Variants in FBN3 observed in about 807,000 individuals in gnomAD.
FBN3 encodes the protein fibrillin-3.
In FBN3, 234 loss-of-function variants were observed where a neutral mutation model predicts 330.1. That is an observed-to-expected ratio of 0.71 (90% CI 0.64 to 0.79). The LOEUF is 0.79. Among genes scored for constraint, FBN3 ranks in the 30% least tolerant of loss-of-function variants. The pLI, the probability that FBN3 is intolerant of heterozygous loss-of-function variation, is 0.00. For synonymous variants in FBN3, 1,458 were observed against 1,517.3 expected (o/e 0.96, Z 0.91); for missense variants, 3,606 against 3,886.9 (o/e 0.93, Z 1.92).
At chr19:8,127,717 C>G (rs972605095) in intron 18 of FBN3, among the ~76,000 whole-genome samples, 1 of 152,230 alleles carries the variant, frequency 6.6e-6, no homozygotes, top group Non-Finnish European at 1.5e-5. Context: ...GGCGCTGTGG[C>G]TTACGCCTGT....
chr19:8,081,624 A>C, intron 57 of FBN3, 144 bp from the exon 58 acceptor site: 1 of 968,664 alleles, frequency 1.0e-6, no homozygotes, highest in East Asian at 2.6e-5. Flanking sequence ...GCAAAAAGCC[A>C]GGTGGGAAAT....
Position 8,102,715 on chromosome 19 carries a change from G to A in FBN3, c.5089+9C>T. 1.2e-6 allele frequency: 2 copies of A among 1,608,170 alleles called. No homozygotes were observed. Among genetic ancestry groups the A allele is most frequent in the Middle Eastern group, 1.9e-4 (1 of 5,320 alleles). ...CAGGCTGGGAAGAAGGTTGGGGAGGGTTACTCACGACTGATGGGAGTGGGG... is the reference window on the plus strand; with the variant it reads ...CAGGCTGGGAAGAAGGTTGGGGAGGATTACTCACGACTGATGGGAGTGGGG... On this transcript the variant is annotated intron_variant, in intron 40 of 63. Coordinates refer to ENST00000600128, the MANE Select transcript of FBN3 (RefSeq NM_032447.5).
Position 8,128,436 on chromosome 19 carries a change from C to T in FBN3, c.2296+592G>A, listed in dbSNP as rs768553998. The stretch of plus-strand genomic sequence containing the variant: ...AAAATTATCTGGGCTTGGTGACGGA[C>T]GCCTGTAATCCCAGCTACTTGGGAG... On this transcript the variant is annotated intron_variant, in intron 18 of 63. Transcript: ENST00000600128. Among the ~76,000 whole-genome samples, 8 of 152,126 alleles carry T rather than the reference C, an allele frequency of 5.3e-5. No homozygotes were observed. The South Asian group carries it at 8.3e-4, about 16-fold the overall frequency.
intron 28 of FBN3, 63 bp downstream of exon 28, chr19:8,117,106 C>T: frequency 3.1e-6 from 5 of 1,599,688 alleles, no homozygotes; most frequent in Non-Finnish European, 4.3e-6. Context: ...CAGTGCAGGA[C>T]CCAGCCAACA....
At position 8,133,063 on chromosome 19, in the gene FBN3, C is replaced by CA; in HGVS notation, c.1634dup (p.Cys546ValfsTer29). On this transcript the variant is annotated frameshift_variant, in exon 14 of 64. Transcript: ENST00000600128. LOFTEE classifies it high-confidence loss of function. Reference sequence around the variant, plus strand: ...AGAAGCTGCCATCCTCGTTGAGACACACGCCGTTGACGCACATGGTGCTGG... The same window carrying CA: ...AGAAGCTGCCATCCTCGTTGAGACACAACGCCGTTGACGCACATGGTGCTGG... 6.3e-7 allele frequency: 1 copy of CA among 1,587,092 alleles called. No individual in the cohort carries two copies. Among genetic ancestry groups the CA allele is most frequent in the South Asian group, 1.1e-5 (1 of 86,994 alleles).
intron 56 of FBN3, among the ~76,000 whole-genome samples, chr19:8,084,797 A>G (rs1045002753): frequency 6.6e-6 from 1 of 151,944 alleles, no homozygotes; most frequent in African/African-American, 2.4e-5. Context: ...CATGTTGACC[A>G]GGGTGGTCTC....
Position 8,123,929 on chromosome 19 carries a change from G to A in FBN3, c.2811C>T (p.Asp937=), listed in dbSNP as rs755574105. The A allele has an allele frequency of 1.2e-6, 2 of 1,613,942 alleles. No homozygotes were observed. Among genetic ancestry groups the A allele is most frequent in the African/African-American group, 1.3e-5 (1 of 74,910 alleles). ...CGGCCCCGATGGAGCAGCAGCAGAC[G>A]TCCATCCGGTACTTGCCAGGCAGGG... The part of the protein sequence containing the change: ...GVTLPGKYRM[D]VCCCSIGAVW... Residue 937 remains aspartate, a synonymous_variant, in exon 23 of 64, where the codon GAC becomes GAT. Transcript: ENST00000600128.
chr19:8,110,567 C>A (rs1228493539), intron 34 of FBN3, among the ~76,000 whole-genome samples: 1 of 152,150 alleles, frequency 6.6e-6, no homozygotes, highest in Non-Finnish European at 1.5e-5. Flanking sequence ...GCCTGCAAAG[C>A]CAAAAATATT....
intron 61 of FBN3, among the ~76,000 whole-genome samples, chr19:8,073,716 G>C (rs143770169): frequency 3.0e-4 from 45 of 152,326 alleles, no homozygotes; most frequent in Admixed American, 7.2e-4. Flanking sequence ...GTCTCACTCT[G>C]TTGCCCAGGC....
intron 59 of FBN3, 62 bp downstream of exon 59, chr19:8,080,941 G>A: frequency 1.6e-6 from 2 of 1,229,948 alleles, no homozygotes; most frequent in Admixed American, 1.8e-5. Context: ...TTTTTTTGGT[G>A]AGCAAAATAA....
rs2082712719 is a variant in FBN3, at chr19:8,116,691, T to C, written c.3695A>G (p.Asp1232Gly). The C allele has an allele frequency of 1.2e-6, 2 of 1,613,968 alleles. No homozygotes were observed. Among genetic ancestry groups the C allele is most frequent in the Non-Finnish European group, 1.7e-6 (2 of 1,179,886 alleles). ...LCYDGFMATPDMRTCVDVDEC... is the reference protein window; with the variant it reads ...LCYDGFMATPGMRTCVDVDEC... ...CTCCTCACCAACACATGTCCTCATG[T>C]CTGGCGTGGCCATGAAGCCATCATA... Residue 1232 changes from aspartate (D) to glycine (G), a missense_variant, in exon 29 of 64, where the codon GAC (aspartate) becomes GGC (glycine). Coordinates refer to ENST00000600128, the MANE Select transcript of FBN3 (RefSeq NM_032447.5).
At chr19:8,126,667 T>A (rs757102387) in intron 19 of FBN3, 46 bp downstream of exon 19, 1 of 1,590,604 alleles carries the variant, frequency 6.3e-7, no homozygotes, top group African/African-American at 1.3e-5. Context: ...CCCTGACCCA[T>A]AGACGCCCAG....
chr19:8,066,343 A>C, intron 63 of FBN3, 83 bp from the exon 64 acceptor site: 1 of 1,028,994 alleles, frequency 9.7e-7, no homozygotes, highest in South Asian at 1.7e-5. Flanking sequence ...ATTGTGGCCA[A>C]AGAGGAGATT....
In FBN3 at chr19:8,133,048, A is replaced by T; in HGVS notation, c.1650T>A (p.Asp550Glu). ...MCVNGVCLNE[D>E]GSFSCLCKPG... is the part of the protein sequence containing the mutation. ...GTTTGCAGAGGCAGGAGAAGCTGCC[A>T]TCCTCGTTGAGACACACGCCGTTGA... The change falls in exon 14 of 64, where the codon GAT becomes GAA. Residue 550 changes from aspartate to glutamate, a missense_variant. Transcript: ENST00000600128. The T allele has an allele frequency of 1.3e-6, 2 of 1,586,260 alleles. No homozygotes were observed. The highest frequency in any genetic ancestry group is 4.6e-5 in the East Asian group (2 of 43,856).
intron 30 of FBN3, 100 bp from the exon 31 acceptor site, chr19:8,112,199 A>G: frequency 7.6e-7 from 1 of 1,309,524 alleles, no homozygotes; most frequent in Non-Finnish European, 1.0e-6. Context: ...TCTAGGGGAG[A>G]GCTGGCCCAG....
intron 18 of FBN3, 36 bp from the exon 19 acceptor site, chr19:8,126,868 A>G: frequency 6.6e-7 from 1 of 1,516,702 alleles, no homozygotes; most frequent in South Asian, 1.3e-5. Context: ...CCTGAGCTGC[A>G]GGAGGAGTTG....
chr19:8,146,130 G>A lies in FBN3; in HGVS notation c.346C>T (p.Arg116Ter), dbSNP rs749906527. The part of the protein sequence containing the change: ...GTLAPSCGVS[R>*]GSGCSVSCMN... Reference sequence around the variant, plus strand: ...CAAGAGGCCGCTTCCCGCTCACCTCGGCTCACCCCGCAGCTGGGAGCCAGC... The same window carrying A: ...CAAGAGGCCGCTTCCCGCTCACCTCAGCTCACCCCGCAGCTGGGAGCCAGC... The change falls in exon 4 of 64, where the codon CGA becomes TGA. Residue 116 changes from arginine to a stop codon, truncating the protein, a stop_gained. Transcript: ENST00000600128. LOFTEE classifies it high-confidence loss of function. 8 of 1,590,014 alleles carry A rather than the reference G, an allele frequency of 5.0e-6. No homozygotes were observed. The highest frequency in any genetic ancestry group is 2.3e-5 in the South Asian group (2 of 86,834).
intron 14 of FBN3, 80 bp downstream of exon 14, chr19:8,132,904 T>TCC (rs2083182542): frequency 1.0e-5 from 15 of 1,447,248 alleles, no homozygotes; most frequent in Non-Finnish European, 1.3e-5. Flanking sequence ...CCCCGTCCGG[T>TCC]CCCTCTCCTC....
chr19:8,068,859 A>G (rs2081450047), intron 63 of FBN3, among the ~76,000 whole-genome samples: 1 of 152,096 alleles, frequency 6.6e-6, no homozygotes, highest in Non-Finnish European at 1.5e-5. Flanking sequence ...TGAGAGAGGC[A>G]GGGAAACGGC....
Sources: gnomAD v4.1 joint callset for allele counts (sites outside exome capture counted in the v4.1 genomes callset) on GRCh38, gnomAD v4.1.1 for gene constraint, MANE v1.5 for transcripts, NCBI Gene and HGNC (gene_info 2026-07-23, HGNC 2026-07-21) for gene names.